HIPK2: variants seen among roughly 807,000 people sequenced by gnomAD.
The protein encoded by HIPK2 is homeodomain-interacting protein kinase 2.
A neutral mutation model predicts 113.7 loss-of-function variants in HIPK2; 27 were observed. The ratio of observed to expected loss-of-function variants is 0.24; its 90% CI spans 0.17 to 0.33. The LOEUF is 0.33. HIPK2 is among the 10% of genes least tolerant of loss of function. HIPK2 has a pLI of 1.00. For synonymous variants in HIPK2, 631 were observed against 642.2 expected (o/e 0.98, Z 0.26); for missense variants, 1,257 against 1,588.0 (o/e 0.79, Z 3.54).
intron 2 of HIPK2, among the ~76,000 whole-genome samples, chr7:139,693,096 G>A (rs1355589801): frequency 6.6e-6 from 1 of 152,198 alleles, no homozygotes; most frequent in East Asian, 1.9e-4. Flanking sequence ...AAGATGCAAA[G>A]CTTTTGGAGG....
intron 2 of HIPK2, among the ~76,000 whole-genome samples, chr7:139,658,237 C>T (rs1483992711): frequency 3.3e-5 from 5 of 150,588 alleles, no homozygotes; most frequent in Admixed American, 6.6e-5. Context: ...ACCCAGGAGG[C>T]GGAGGTTGCA....
At chr7:139,729,472 A>C (rs1795705079) in intron 1 of HIPK2, among the ~76,000 whole-genome samples, 1 of 152,104 alleles carries the variant, frequency 6.6e-6, no homozygotes, top group South Asian at 2.1e-4. Flanking sequence ...TAGGCCCCAA[A>C]AGCCACCTCA....
chr7:139,684,265 C>T (rs868751859), intron 2 of HIPK2, among the ~76,000 whole-genome samples: 2 of 152,156 alleles, frequency 1.3e-5, no homozygotes, highest in Admixed American at 6.5e-5. Flanking sequence ...TCCTTCTTCT[C>T]GGGCCTCTCT....
rs533224214 is a variant in HIPK2, at chr7:139,755,267, A to C, written c.19+22338T>G. ...TGGATGTGATGCCTAGAACTGTGGC[A>C]GCCATCAGACCGACATACCACAAAC... is the stretch of plus-strand genomic sequence containing the variant. On this transcript the variant is annotated intron_variant, in intron 1 of 14. Coordinates refer to ENST00000406875, the MANE Select transcript of HIPK2 (RefSeq NM_022740.5). Among the ~76,000 whole-genome samples the C allele has an allele frequency of 1.1e-4, 17 of 152,340 alleles. No homozygotes were observed. The South Asian group carries it at 3.5e-3, about 32-fold the overall frequency.
chr7:139,576,776 A>ACAGGACAGGG (rs1220293622), intron 13 of HIPK2, among the ~76,000 whole-genome samples: 1 of 152,228 alleles, frequency 6.6e-6, no homozygotes, highest in African/African-American at 2.4e-5. Context: ...GGCTGATGGA[A>ACAGGACAGGG]CAGGACAGGG....
chr7:139,699,862 C>T (rs1458547806), intron 2 of HIPK2, among the ~76,000 whole-genome samples: 2 of 152,208 alleles, frequency 1.3e-5, no homozygotes, highest in African/African-American at 2.4e-5. Context: ...TGTGCCCTCC[C>T]GGGAGGCACA....
chr7:139,572,891 C>A lies in HIPK2; in HGVS notation c.*36G>T. 1.4e-6 allele frequency: 1 copy of A among 694,514 alleles called. No homozygotes were observed. 43.0% of individuals were successfully genotyped at this position (694,514 alleles called of 1,614,324 possible). On this transcript the variant is annotated 3_prime_UTR_variant, in exon 15 of 15. Transcript: ENST00000406875. Reference sequence around the variant, plus strand: ...TCTCTCCCTCCTCCCTCGGGCCATTCTCTCCCTCCCTCCCTCCCTCCCTCC... The same window carrying A: ...TCTCTCCCTCCTCCCTCGGGCCATTATCTCCCTCCCTCCCTCCCTCCCTCC...
Position 139,572,705 on chromosome 7 carries a change from C to T in HIPK2, c.*222G>A. The stretch of plus-strand genomic sequence containing the variant: ...TAAAAATGTTCTCTTCTCTGCTCTA[C>T]GTCCTCCCACTTCCCGGTTCAAGTT... On this transcript the variant is annotated 3_prime_UTR_variant, in exon 15 of 15. Transcript: ENST00000406875. 1 of 487,736 alleles carries T rather than the reference C, an allele frequency of 2.1e-6. No individual in the cohort carries two copies. The highest frequency in any genetic ancestry group is 3.1e-5 in the East Asian group (1 of 31,748). 30.2% of individuals were successfully genotyped at this position (487,736 alleles called of 1,614,324 possible).
intron 1 of HIPK2, among the ~76,000 whole-genome samples, chr7:139,767,038 T>C (rs1796564774): frequency 6.6e-6 from 1 of 152,212 alleles, no homozygotes; most frequent in East Asian, 1.9e-4. Context: ...CAAAAGGCAG[T>C]AGAATTGCGA....
Position 139,572,374 on chromosome 7 carries a change from C to G in HIPK2, c.*553G>C, listed in dbSNP as rs1230873523. On this transcript the variant is annotated 3_prime_UTR_variant, in exon 15 of 15. Transcript: ENST00000406875. The stretch of plus-strand genomic sequence containing the variant: ...GGAGGGCTGTTGACCCTTTCGAGTT[C>G]TGGAAAAATCCCTAAATCTTATGTT... 6.6e-6 allele frequency: 1 copy of G among 152,278 alleles called. No homozygotes were observed. Among genetic ancestry groups the G allele is most frequent in the Admixed American group, 6.5e-5 (1 of 15,292 alleles). The allele number at this position is 152,278 out of a possible 1,614,324, so 9.4% of individuals were successfully genotyped here.
intron 2 of HIPK2, among the ~76,000 whole-genome samples, chr7:139,706,084 C>A (rs1399980952): frequency 6.6e-6 from 1 of 152,230 alleles, no homozygotes; most frequent in Admixed American, 6.5e-5. Context: ...CCAGGTCTTG[C>A]TGCATTTGGC....
At chr7:139,739,562 G>A (rs1446947493) in intron 1 of HIPK2, among the ~76,000 whole-genome samples, 1 of 150,916 alleles carries the variant, frequency 6.6e-6, no homozygotes, top group East Asian at 1.9e-4. Flanking sequence ...ACTCCAGCCT[G>A]GGTGACAGAG....
chr7:139,777,596 G>C lies in HIPK2; in HGVS notation c.19+9C>G. ...GGGCGCGGGGTCGGCGGGGCCGGGC[G>C]CCCCTTACCTTCGTACACGGGGGCC... On this transcript the variant is annotated intron_variant, in intron 1 of 14. Coordinates refer to ENST00000406875, the MANE Select transcript of HIPK2 (RefSeq NM_022740.5). The C allele has an allele frequency of 9.5e-7, 1 of 1,056,322 alleles. No homozygotes were observed. Among genetic ancestry groups the C allele is most frequent in the Non-Finnish European group, 1.1e-6 (1 of 872,366 alleles). The allele number at this position is 1,056,322 out of a possible 1,614,324, so 65.4% of individuals were successfully genotyped here.
chr7:139,717,168 C>T, intron 1 of HIPK2, 153 bp from the exon 2 acceptor site: 1 of 607,630 alleles, frequency 1.6e-6, no homozygotes, highest in African/African-American at 2.0e-5. Context: ...TCTCTTCCAC[C>T]CAGAAGCACA....
chr7:139,663,003 C>T (rs768464502), intron 2 of HIPK2, among the ~76,000 whole-genome samples: 1 of 152,274 alleles, frequency 6.6e-6, no homozygotes. Flanking sequence ...CAGGGCTCTC[C>T]ATCATCAGAC....
rs182908060 is a variant in HIPK2 at position 139,685,472 on chromosome 7, T to C, written c.1103+30460A>G. Among the ~76,000 whole-genome samples the C allele has an allele frequency of 4.2e-3, 642 of 152,338 alleles. 5 individuals are homozygous for C. The highest frequency in any genetic ancestry group is 0.014 in the African/African-American group (565 of 41,580). On this transcript the variant is annotated intron_variant, in intron 2 of 14. Coordinates refer to ENST00000406875, the MANE Select transcript of HIPK2 (RefSeq NM_022740.5). ...GCCACCACACCCGGCCAACAGGTTT[T>C]CAATGTAGATGAAACAGCCGTCTAT...
intron 12 of HIPK2, 77 bp from the exon 13 acceptor site, chr7:139,584,141 G>T: frequency 6.6e-7 from 1 of 1,518,790 alleles, no homozygotes. Flanking sequence ...TCATGCCCTG[G>T]GGCAGGGGAG....
At chr7:139,757,836 A>G (rs1796387355) in intron 1 of HIPK2, among the ~76,000 whole-genome samples, 1 of 152,230 alleles carries the variant, frequency 6.6e-6, no homozygotes, top group Non-Finnish European at 1.5e-5. Context: ...TTGAATGGGT[A>G]AATTACATGA....
At chr7:139,576,506 C>T (rs1442017138) in intron 13 of HIPK2, among the ~76,000 whole-genome samples, 1 of 152,188 alleles carries the variant, frequency 6.6e-6, no homozygotes, top group African/African-American at 2.4e-5. Flanking sequence ...AGCTGGATGG[C>T]TTCCATGTTA....
Sources: gnomAD v4.1 joint callset for allele counts (sites outside exome capture counted in the v4.1 genomes callset) on GRCh38, gnomAD v4.1.1 for gene constraint, MANE v1.5 for transcripts, NCBI Gene and HGNC (gene_info 2026-07-23, HGNC 2026-07-21) for gene names.